Variants in SEMA4B observed in about 807,000 individuals in gnomAD.
SEMA4B encodes the protein semaphorin 4B, also known as semaphorin-4B.
Under a neutral mutation model 88.1 loss-of-function variants are expected in SEMA4B, and 55 were observed. The ratio of observed to expected loss-of-function variants is 0.62; its 90% CI spans 0.50 to 0.78. The LOEUF is 0.78. Ranked by LOEUF, SEMA4B falls within the 30% of genes least tolerant of loss-of-function variation. The pLI is 0.00. For synonymous variants in SEMA4B, 525 were observed against 473.6 expected (o/e 1.11, Z -1.41); for missense variants, 1,062 against 1,111.9 (o/e 0.96, Z 0.64).
chr15:90,187,764 T>G (rs1250503361), intron 1 of SEMA4B, among the ~76,000 whole-genome samples: 1 of 152,102 alleles, frequency 6.6e-6, no homozygotes, highest in Non-Finnish European at 1.5e-5. Context: ...CCCAGCATTT[T>G]GGGAGGCCGA....
At chr15:90,194,292 G>T (rs1960434156) in intron 1 of SEMA4B, among the ~76,000 whole-genome samples, 1 of 152,006 alleles carries the variant, frequency 6.6e-6, no homozygotes, top group South Asian at 2.1e-4. Context: ...AGTACTTTGG[G>T]AGGCCAAGGC....
At chr15:90,194,468 G>T (rs1428680288) in intron 1 of SEMA4B, among the ~76,000 whole-genome samples, 1 of 151,988 alleles carries the variant, frequency 6.6e-6, no homozygotes, top group African/African-American at 2.4e-5. Context: ...CGAGGCAGAG[G>T]TTGCAGTGAG....
At chr15:90,206,841 C>G in intron 1 of SEMA4B, 1 of 724,742 alleles carries the variant, frequency 1.4e-6, no homozygotes, top group Non-Finnish European at 2.5e-6. Flanking sequence ...GGGTAGGTCT[C>G]TGTCAAATTG....
chr15:90,194,080 GAC>G (rs1960426846), intron 1 of SEMA4B, among the ~76,000 whole-genome samples: 1 of 152,016 alleles, frequency 6.6e-6, no homozygotes, highest in South Asian at 2.1e-4. Context: ...TCGAACTCCT[GAC>G]CTCAGGTGAT....
At chr15:90,189,651 T>C (rs1353196504) in intron 1 of SEMA4B, among the ~76,000 whole-genome samples, 1 of 152,218 alleles carries the variant, frequency 6.6e-6, no homozygotes, top group Non-Finnish European at 1.5e-5. Flanking sequence ...TAATTTCTTT[T>C]TTTCTGATAA....
At chr15:90,195,370 G>A (rs913000787) in intron 1 of SEMA4B, among the ~76,000 whole-genome samples, 1 of 152,114 alleles carries the variant, frequency 6.6e-6, no homozygotes, top group Non-Finnish European at 1.5e-5. Flanking sequence ...GGGATTACAG[G>A]TGTCAGCCAC....
At chr15:90,224,637 C>T (rs56803724) in intron 9 of SEMA4B, among the ~76,000 whole-genome samples, 2,770 of 152,284 alleles carry the variant, frequency 0.018, 84 homozygotes, top group African/African-American at 0.06. Flanking sequence ...ACGCTCTGCC[C>T]GGCCAGGGCT....
intron 1 of SEMA4B, chr15:90,206,525 G>C: frequency 2.6e-6 from 1 of 391,402 alleles, no homozygotes; most frequent in Non-Finnish European, 4.7e-6. Flanking sequence ...CGGAGGCTCA[G>C]GCTCAGTTGC....
In SEMA4B at chr15:90,225,271, C is replaced by T. The variant is rs776416187; in HGVS notation, c.1406-11C>T. On this transcript the variant is annotated splice_polypyrimidine_tract_variant and intron_variant, in intron 10 of 13. Coordinates refer to ENST00000411539, the MANE Select transcript of SEMA4B (RefSeq NM_198925.4). ...GCTCCACCCAGGGCCTGAGTCCTGT[C>T]CACACCCCAGGTGACGGCCGGCTCC... 13 of 1,555,318 alleles carry T rather than the reference C, an allele frequency of 8.4e-6. No homozygotes were observed. Among genetic ancestry groups the T allele is most frequent in the South Asian group, 1.2e-5 (1 of 84,562 alleles).
rs755268549 is a variant in SEMA4B at position 90,229,526 on chromosome 15, C to A, written c.*883C>A. 28 of 405,994 alleles carry A rather than the reference C, an allele frequency of 6.9e-5. No individual in the cohort carries two copies. The highest frequency in any genetic ancestry group is 4.5e-4 in the Admixed American group (17 of 38,112). 25.1% of individuals were successfully genotyped at this position (405,994 alleles called of 1,614,324 possible). ...CCCAGTCCCCAGTTCACCCTCCATC[C>A]CTCACCTTCCTCCACTCTAAGGGAT... On this transcript the variant is annotated 3_prime_UTR_variant, in exon 14 of 14. Transcript: ENST00000411539.
intron 1 of SEMA4B, chr15:90,206,698 C>G (rs1370879239): frequency 1.4e-6 from 1 of 724,574 alleles, no homozygotes; most frequent in African/African-American, 1.7e-5. Flanking sequence ...AAGCCTTAGA[C>G]AAGCGCCAAG....
intron 7 of SEMA4B, 71 bp downstream of exon 7, chr15:90,221,836 C>T (rs931424853): frequency 6.8e-6 from 10 of 1,467,962 alleles, no homozygotes; most frequent in Non-Finnish European, 9.3e-6. Flanking sequence ...AGATCACCCA[C>T]ATCCATGCAT....
intron 1 of SEMA4B, among the ~76,000 whole-genome samples, chr15:90,192,348 G>T (rs540823748): frequency 1.3e-5 from 2 of 152,206 alleles, no homozygotes; most frequent in African/African-American, 4.8e-5. Context: ...GCCAGGAGCC[G>T]CCTGGCAGGG....
rs777704026 is a variant in SEMA4B, at chr15:90,221,006, A to T, written c.508A>T (p.Arg170Trp). ...YINMENFTLA[R>W]DEKGNVLLED... ...GAACATGGAGAACTTCACCCTGGCA[A>T]GGGACGAGAAGGGGAATGTCCTCCT... The change falls in exon 5 of 14, where the codon AGG (arginine) becomes TGG (tryptophan). Residue 170 changes from arginine to tryptophan, a missense_variant. Coordinates refer to ENST00000411539, the MANE Select transcript of SEMA4B (RefSeq NM_198925.4). 1 of 1,609,656 alleles carries T rather than the reference A, an allele frequency of 6.2e-7. No individual in the cohort carries two copies. The highest frequency in any genetic ancestry group is 8.5e-7 in the Non-Finnish European group (1 of 1,178,044).
rs1049965636 is a variant in SEMA4B at position 90,227,911 on chromosome 15, G to A, written c.1782G>A (p.Lys594=). 13 of 1,611,714 alleles carry A rather than the reference G, an allele frequency of 8.1e-6. No individual in the cohort carries two copies. In the African/African-American group the frequency reaches 1.6e-4, roughly 20 times the overall value. The change falls in exon 14 of 14, where the codon AAG becomes AAA. Residue 594 remains lysine (K), a synonymous_variant. Coordinates refer to ENST00000411539, the MANE Select transcript of SEMA4B (RefSeq NM_198925.4). ...TGCCTTTTCTGCCTACAGGGGAGAAGCCATGTGAGCAAGTCCAGTTCCAGC... is the reference window on the plus strand; with the variant it reads ...TGCCTTTTCTGCCTACAGGGGAGAAACCATGTGAGCAAGTCCAGTTCCAGC... ...VSPSFVPTGE[K]PCEQVQFQPN...
Position 90,212,724 on chromosome 15 carries a change from C to T in SEMA4B, c.158-4715C>T, listed in dbSNP as rs541600300. 1.1e-3 allele frequency among the ~76,000 whole-genome samples: 169 copies of T among 152,282 alleles called. No homozygotes were observed. Among genetic ancestry groups the T allele is most frequent in the African/African-American group, 3.8e-3 (157 of 41,560 alleles). Reference sequence around the variant, plus strand: ...ACGTCTGCAGTCACTCTGGAGGTGACCCAAGCACCTGGGCCCTTAGACAGT... The same window carrying T: ...ACGTCTGCAGTCACTCTGGAGGTGATCCAAGCACCTGGGCCCTTAGACAGT... On this transcript the variant is annotated intron_variant, in intron 1 of 13. Transcript: ENST00000411539. The surrounding 1 kb of genome is among the most constrained non-coding windows in gnomAD (Gnocchi z 4.0).
At position 90,229,424 on chromosome 15, in the gene SEMA4B, T is replaced by C. The variant is rs1962391136; in HGVS notation, c.*781T>C. ...CTCCGTTGTTGCGTGAGAACCCGTG[T>C]GCCCCTTCCCACCATATCCACCCTC... is the stretch of plus-strand genomic sequence containing the variant. On this transcript the variant is annotated 3_prime_UTR_variant, in exon 14 of 14. Coordinates refer to ENST00000411539, the MANE Select transcript of SEMA4B (RefSeq NM_198925.4). The C allele has an allele frequency of 2.2e-6, 1 of 456,390 alleles. No individual in the cohort carries two copies. The allele number at this position is 456,390 out of a possible 1,614,324, so 28.3% of individuals were successfully genotyped here. A position where few individuals can be genotyped will look rare whatever the true frequency, so the allele number is the denominator to read the frequency against.
rs149506578 is a variant in SEMA4B at position 90,187,264 on chromosome 15, C to T, written c.-122+2183C>T. Among the ~76,000 whole-genome samples, 751 of 152,362 alleles carry T rather than the reference C, an allele frequency of 4.9e-3. 2 individuals are homozygous for T. The highest frequency in any genetic ancestry group is 0.014 in the Middle Eastern group (4 of 294). On this transcript the variant is annotated intron_variant, in intron 1 of 14. Coordinates refer to the SEMA4B transcript ENST00000332496. The stretch of plus-strand genomic sequence containing the variant: ...TAAAGCAGGGAAATGGGACTCTAGT[C>T]CTGCCTCTATCCGTGTGGTGCTGTT...
chr15:90,208,327 C>G lies in SEMA4B; in HGVS notation c.157+6592C>G, dbSNP rs142958058. On this transcript the variant is annotated intron_variant, in intron 1 of 13. Transcript: ENST00000411539. ...AACTTAGGAAATTTTACATAAAAAT[C>G]TAGGTTTCCAGCTTTTCTGAAGGTC... Among the ~76,000 whole-genome samples the G allele has an allele frequency of 3.9e-5, 6 of 152,108 alleles. No individual in the cohort carries two copies. In the East Asian group the frequency reaches 1.2e-3, roughly 29 times the overall value.
Sources: allele counts gnomAD v4.1 joint callset (sites outside exome capture counted in the v4.1 genomes callset), GRCh38; gene constraint gnomAD v4.1.1; non-coding constraint Gnocchi (gnomAD v3.1); transcripts MANE v1.5; gene names NCBI Gene and HGNC (gene_info 2026-07-23, HGNC 2026-07-21).